ZBTB16: variants seen among roughly 807,000 people sequenced by gnomAD.
ZBTB16 encodes the protein zinc finger and BTB domain-containing protein 16.
Under a neutral mutation model 56.8 loss-of-function variants are expected in ZBTB16, and 8 were observed. The observed-to-expected ratio is 0.14, with a 90% confidence interval of 0.08 to 0.25. The LOEUF is 0.25. Among genes scored for constraint, ZBTB16 ranks in the 10% least tolerant of loss-of-function variants. The pLI is 1.00. For missense variants in ZBTB16, 625 were observed against 903.0 expected (o/e 0.69, Z 3.95); for synonymous variants, 363 against 368.5 (o/e 0.98, Z 0.17).
chr11:114,114,301 C>T (rs540100878), intron 2 of ZBTB16, among the ~76,000 whole-genome samples: 18 of 152,270 alleles, frequency 1.2e-4, no homozygotes, highest in South Asian at 8.3e-4. Flanking sequence ...TTTGGGATGA[C>T]GGGGATGGGA....
At position 114,240,874 on chromosome 11, in the gene ZBTB16, G is replaced by A. The variant is rs1253900026; in HGVS notation, c.1454-1293G>A. On this transcript the variant is annotated intron_variant, in intron 4 of 6. Transcript: ENST00000335953. ...TCAATCCTTTGACAGTTGCCCATCG[G>A]GTTTAGGATGGAACTAAATCTCTTG... is the stretch of plus-strand genomic sequence containing the variant. 3.9e-5 allele frequency among the ~76,000 whole-genome samples: 6 copies of A among 152,296 alleles called. No homozygotes were observed. The South Asian group carries it at 1.0e-3, about 26-fold the overall frequency.
At chr11:114,182,326 A>T (rs1461924414) in intron 3 of ZBTB16, among the ~76,000 whole-genome samples, 1 of 152,208 alleles carries the variant, frequency 6.6e-6, no homozygotes, top group Non-Finnish European at 1.5e-5. Context: ...CTGGGATTAC[A>T]GGCGTGAGCC....
chr11:114,087,449 C>T (rs766601265), intron 2 of ZBTB16, among the ~76,000 whole-genome samples: 5 of 152,206 alleles, frequency 3.3e-5, no homozygotes, highest in Admixed American at 2.0e-4. Flanking sequence ...ACCTTCCTCT[C>T]GAATCGTCTC....
chr11:114,170,040 G>T (rs1942913571), intron 3 of ZBTB16, among the ~76,000 whole-genome samples: 2 of 152,172 alleles, frequency 1.3e-5, no homozygotes, highest in South Asian at 4.1e-4. Context: ...ATGGCTGTGG[G>T]CCTCCTTGGC....
intron 2 of ZBTB16, among the ~76,000 whole-genome samples, chr11:114,136,716 G>C (rs1427097455): frequency 2.0e-5 from 3 of 151,956 alleles, no homozygotes; most frequent in Admixed American, 1.3e-4. Context: ...GGTTTTTTTG[G>C]GGGGAGGTTT....
chr11:114,104,196 T>C (rs1033140598), intron 2 of ZBTB16, among the ~76,000 whole-genome samples: 1 of 152,228 alleles, frequency 6.6e-6, no homozygotes, highest in Admixed American at 6.5e-5. Context: ...TGTAGAAAAC[T>C]GGGACCTAAC....
At position 114,162,779 on chromosome 11, in the gene ZBTB16, C is replaced by G. The variant is rs1266874973; in HGVS notation, c.1366+6345C>G. On this transcript the variant is annotated intron_variant, in intron 3 of 6. Transcript: ENST00000335953. ...AGATGGGGGTGGCTCAGAGGCCAGG[C>G]TGCCCTCCCTTCGGTCCGCATGGGT... is the stretch of plus-strand genomic sequence containing the variant. Among the ~76,000 whole-genome samples the G allele has an allele frequency of 1.1e-4, 17 of 152,182 alleles. 3 individuals are homozygous for G. Among genetic ancestry groups the G allele is most frequent in the Admixed American group, 1.1e-3 (17 of 15,288 alleles).
intron 4 of ZBTB16, among the ~76,000 whole-genome samples, chr11:114,212,581 TAC>T (rs1206362465): frequency 6.6e-6 from 1 of 152,240 alleles, no homozygotes; most frequent in Admixed American, 6.5e-5. Context: ...GTCACACAGC[TAC>T]ACAGTTGCGG....
At chr11:114,189,934 A>G (rs578055043) in intron 4 of ZBTB16, among the ~76,000 whole-genome samples, 2 of 152,348 alleles carry the variant, frequency 1.3e-5, no homozygotes, top group South Asian at 2.1e-4. Context: ...CCCAATGTCT[A>G]TCAACTGGTG....
At chr11:114,246,262 G>T (rs956376141) in intron 5 of ZBTB16, among the ~76,000 whole-genome samples, 2 of 152,200 alleles carry the variant, frequency 1.3e-5, no homozygotes, top group African/African-American at 4.8e-5. Context: ...GGGCAAGCCA[G>T]TAGATACAGC....
intron 2 of ZBTB16, among the ~76,000 whole-genome samples, chr11:114,153,051 A>G (rs986486871): frequency 6.6e-6 from 1 of 152,204 alleles, no homozygotes; most frequent in Non-Finnish European, 1.5e-5. Context: ...TGCTCCAGGA[A>G]TCGGTTGGAA....
intron 2 of ZBTB16, among the ~76,000 whole-genome samples, chr11:114,135,566 C>T (rs554458684): frequency 1.3e-5 from 2 of 152,236 alleles, no homozygotes; most frequent in South Asian, 4.2e-4. Context: ...AGCCTCTAGA[C>T]ACTGAACAAG....
intron 4 of ZBTB16, among the ~76,000 whole-genome samples, chr11:114,224,696 A>T (rs889049407): frequency 2.6e-5 from 4 of 152,202 alleles, no homozygotes; most frequent in Non-Finnish European, 5.9e-5. Flanking sequence ...ACCCCTCCAG[A>T]ACAATCCCAA....
At chr11:114,248,417 A>G (rs564959894) in intron 6 of ZBTB16, among the ~76,000 whole-genome samples, 2 of 152,338 alleles carry the variant, frequency 1.3e-5, no homozygotes, top group South Asian at 4.1e-4. Context: ...TATTCACATC[A>G]TAGCAATCAG....
At chr11:114,091,901 T>C (rs1442764689) in intron 2 of ZBTB16, among the ~76,000 whole-genome samples, 1 of 152,184 alleles carries the variant, frequency 6.6e-6, no homozygotes, top group Non-Finnish European at 1.5e-5. Flanking sequence ...AAACAAGTGC[T>C]TTGATGCTTA....
intron 2 of ZBTB16, among the ~76,000 whole-genome samples, chr11:114,134,516 A>G (rs2134871798): frequency 6.6e-6 from 1 of 152,270 alleles, no homozygotes; most frequent in South Asian, 2.1e-4. Context: ...GATAAATGGG[A>G]ATGGGGTCAG....
At chr11:114,181,334 A>G (rs1010377109) in intron 3 of ZBTB16, among the ~76,000 whole-genome samples, 1 of 152,144 alleles carries the variant, frequency 6.6e-6, no homozygotes, top group Non-Finnish European at 1.5e-5. Context: ...TACTGCTTCC[A>G]TTTTACAGCT....
In ZBTB16 at chr11:114,063,174, T is replaced by G; in HGVS notation, c.-90-37T>G. 3.8e-6 allele frequency: 4 copies of G among 1,042,568 alleles called. No individual in the cohort carries two copies. Among genetic ancestry groups the G allele is most frequent in the Admixed American group, 2.1e-5 (1 of 47,306 alleles). 64.6% of individuals were successfully genotyped at this position (1,042,568 alleles called of 1,614,324 possible). ...ACTGATGAATTTGTCTTTTGTTCTCTCATCTCTTTTGCTTCTTCCCCTCTT... is the reference window on the plus strand; with the variant it reads ...ACTGATGAATTTGTCTTTTGTTCTCGCATCTCTTTTGCTTCTTCCCCTCTT... On this transcript the variant is annotated intron_variant, in intron 1 of 6. Transcript: ENST00000335953. This position sits in a 1 kb window ranked among gnomAD's most constrained non-coding sequence, Gnocchi z 6.5.
chr11:114,133,817 G>A (rs898827970), intron 2 of ZBTB16, among the ~76,000 whole-genome samples: 35 of 152,214 alleles, frequency 2.3e-4, no homozygotes, highest in African/African-American at 7.5e-4. Flanking sequence ...GACCTATTAC[G>A]ACTATAGCAG....
Sources: allele counts gnomAD v4.1 joint callset (sites outside exome capture counted in the v4.1 genomes callset), GRCh38; gene constraint gnomAD v4.1.1; non-coding constraint Gnocchi (gnomAD v3.1); transcripts MANE v1.5; gene names NCBI Gene and HGNC (gene_info 2026-07-23, HGNC 2026-07-21).